Variants in PAK6 observed in about 807,000 individuals in gnomAD.
PAK6 encodes serine/threonine-protein kinase PAK 6.
A neutral mutation model predicts 60.8 loss-of-function variants in PAK6; 33 were observed. That is an observed-to-expected ratio of 0.54 (90% CI 0.41 to 0.73). The LOEUF (loss-of-function observed/expected upper bound fraction) is 0.73. PAK6 is among the 30% of genes least tolerant of loss of function. The pLI is 0.00. For missense variants in PAK6, 845 were observed against 904.1 expected (o/e 0.93, Z 0.84); for synonymous variants, 404 against 378.5 (o/e 1.07, Z -0.78).
intron 3 of PAK6, among the ~76,000 whole-genome samples, chr15:40,255,800 T>G (rs986831844): frequency 1.3e-5 from 2 of 152,196 alleles, no homozygotes; most frequent in Admixed American, 1.3e-4. Flanking sequence ...CATCGCTGAA[T>G]GAGTTCTAGC....
chr15:40,250,649 T>C (rs2038639747), intron 2 of PAK6: 1 of 152,220 alleles, frequency 6.6e-6, no homozygotes, highest in Non-Finnish European at 1.5e-5. Context: ...TCAAACCAAA[T>C]TGAATACCAG....
At chr15:40,266,176 T>C (rs1379975202) in exon 5 of PAK6, 3 of 1,609,012 alleles carry the variant, frequency 1.9e-6, no homozygotes, top group Admixed American at 1.7e-5. Context: ...GCACAGTCCC[T>C]GGGCCCCGCC....
chr15:40,273,446 T>G, exon 8 of PAK6: 1 of 1,613,822 alleles, frequency 6.2e-7, no homozygotes, highest in South Asian at 1.1e-5. Context: ...CAAGAGTGAC[T>G]CCATCCTGCT....
At position 40,262,488 on chromosome 15, in the gene PAK6, G is replaced by A. The variant is rs186648486; in HGVS notation, c.-5-2293G>A. 2.3e-3 allele frequency among the ~76,000 whole-genome samples: 347 copies of A among 151,666 alleles called. 1 individual carries two copies. Among genetic ancestry groups the A allele is most frequent in the Non-Finnish European group, 3.9e-3 (263 of 67,964 alleles). On this transcript the variant is annotated intron_variant, in intron 3 of 10. Transcript: ENST00000560346. Reference sequence around the variant, plus strand: ...CACTACACTCCAGTCTGGGCGACAGGGCGGCAAGACTCCTTCTCAAAAACA... The same window carrying A: ...CACTACACTCCAGTCTGGGCGACAGAGCGGCAAGACTCCTTCTCAAAAACA...
chr15:40,263,566 A>C (rs1412211043), intron 3 of PAK6, among the ~76,000 whole-genome samples: 4 of 152,162 alleles, frequency 2.6e-5, no homozygotes, highest in African/African-American at 9.7e-5. Context: ...CCTTAGGCAA[A>C]GCCAGAATCA....
At chr15:40,243,207 G>A (rs539319931) in intron 2 of PAK6, among the ~76,000 whole-genome samples, 1 of 152,334 alleles carries the variant, frequency 6.6e-6, no homozygotes, top group Admixed American at 6.5e-5. Flanking sequence ...AAGATAAGTT[G>A]AGAATGACAA....
rs145812191 is a variant in PAK6, at chr15:40,272,638, C to T, written c.1273C>T (p.Arg425Trp). ...CTCCACCGGCATCGTCTGCTTGGCC[C>T]GGGAGAAGCACTCGGGCCGCCAGGT... Residue 425 changes from arginine to tryptophan, a missense_variant, in exon 6 of 11, where the codon CGG (arginine) becomes TGG (tryptophan). Physicochemically the swap from Arg to Trp is moderately radical, Grantham distance 101 (BLOSUM62 -3). Transcript: ENST00000560346. 40 of 1,609,288 alleles carry T rather than the reference C, an allele frequency of 2.5e-5. No individual in the cohort carries two copies. Among genetic ancestry groups the T allele is most frequent in the Admixed American group, 1.3e-4 (8 of 60,002 alleles).
intron 3 of PAK6, chr15:40,263,952 A>G (rs2039051038): frequency 4.4e-6 from 2 of 455,890 alleles, no homozygotes; most frequent in Non-Finnish European, 8.8e-6. Context: ...AATACCAGAG[A>G]GAAGAGTGTC....
intron 3 of PAK6, among the ~76,000 whole-genome samples, chr15:40,263,122 C>A (rs1164679242): frequency 6.6e-6 from 1 of 152,220 alleles, no homozygotes; most frequent in African/African-American, 2.4e-5. Context: ...CCCTGCCTTT[C>A]TGCCAGCTGC....
chr15:40,252,473 C>A (rs1189059812), intron 2 of PAK6: 1 of 1,362,622 alleles, frequency 7.3e-7, no homozygotes, highest in East Asian at 4.6e-5. Context: ...TGGCCAAGGC[C>A]CCAGCGACAC....
At chr15:40,252,905 G>A in intron 2 of PAK6, 1 of 1,183,728 alleles carries the variant, frequency 8.4e-7, no homozygotes, top group Non-Finnish European at 1.1e-6. Context: ...CCCCGAGAGG[G>A]CGCAGCAGTG....
At chr15:40,242,075 G>A in intron 2 of PAK6, among the ~76,000 whole-genome samples, 1 of 152,194 alleles carries the variant, frequency 6.6e-6, no homozygotes, top group Non-Finnish European at 1.5e-5. Context: ...TAGACAGCAG[G>A]CCAGCAGCGG....
chr15:40,263,775 CG>C, intron 3 of PAK6: 1 of 392,522 alleles, frequency 2.5e-6, no homozygotes, highest in South Asian at 1.8e-5. Flanking sequence ...CCACCAGGCC[CG>C]GCTAATTTCT....
chr15:40,264,698 G>A, intron 3 of PAK6, 83 bp from the exon 4 acceptor site: 1 of 1,145,710 alleles, frequency 8.7e-7, no homozygotes, highest in Non-Finnish European at 1.3e-6. Context: ...GGAGGGGAGG[G>A]AGCCCTGAAC....
chr15:40,269,979 G>C (rs942905713), intron 5 of PAK6, among the ~76,000 whole-genome samples: 6 of 152,244 alleles, frequency 3.9e-5, no homozygotes, highest in African/African-American at 1.2e-4. Context: ...TTTCTTAGGA[G>C]CTTCAGGATG....
At chr15:40,252,086 G>C in intron 2 of PAK6, 1 of 298,166 alleles carries the variant, frequency 3.4e-6, no homozygotes, top group Non-Finnish European at 6.3e-6. Flanking sequence ...CTGCGCAAGG[G>C]GCTACCCCAG....
At chr15:40,241,447 G>A (rs1218135964) in intron 2 of PAK6, among the ~76,000 whole-genome samples, 2 of 113,216 alleles carry the variant, frequency 1.8e-5, no homozygotes, top group East Asian at 7.5e-4. Context: ...CTGGGACTCA[G>A]CCCCACGGGA....
rs36068492 is a variant in PAK6, at chr15:40,276,533, C to T, written c.*439C>T. On this transcript the variant is annotated 3_prime_UTR_variant, in exon 11 of 11. Transcript: ENST00000560346. Reference sequence around the variant, plus strand: ...CAAACCTCGAGTCTCGAGAGGGCCACGGGGTGGTTTTTATGACCGGAATCC... The same window carrying T: ...CAAACCTCGAGTCTCGAGAGGGCCATGGGGTGGTTTTTATGACCGGAATCC... 1,503 of 160,084 alleles carry T rather than the reference C, an allele frequency of 9.4e-3. 28 individuals carry two copies. The highest frequency in any genetic ancestry group is 0.034 in the African/African-American group (1,414 of 41,756). The allele number at this position is 160,084 out of a possible 1,614,324, so 9.9% of individuals were successfully genotyped here.
chr15:40,240,698 C>G lies in PAK6; in HGVS notation c.-118+17C>G, dbSNP rs763758781. ...GCAGCCACGGTAAGGTCCCCACTGC[C>G]GCTGCGTGCTCCGGATTCCTGGGCT... On this transcript the variant is annotated intron_variant, in intron 2 of 10. Transcript: ENST00000560346. 9.1e-6 allele frequency: 4 copies of G among 439,500 alleles called. No individual in the cohort carries two copies. The highest frequency in any genetic ancestry group is 1.4e-5 in the Non-Finnish European group (3 of 220,972). 27.2% of individuals were successfully genotyped at this position (439,500 alleles called of 1,614,324 possible). A position where few individuals can be genotyped will look rare whatever the true frequency, so the allele number is the denominator to read the frequency against.
Sources: allele counts gnomAD v4.1 joint callset (sites outside exome capture counted in the v4.1 genomes callset), GRCh38; gene constraint gnomAD v4.1.1; transcripts MANE v1.5; gene names NCBI Gene and HGNC (gene_info 2026-07-23, HGNC 2026-07-21).